Variants in MTG2 observed in about 807,000 individuals in gnomAD.
MTG2 encodes mitochondrial ribosome-associated GTPase 2.
A neutral mutation model predicts 28.6 loss-of-function variants in MTG2; 23 were observed. The observed-to-expected ratio is 0.80, with a 90% CI of 0.58 to 1.14. The LOEUF is 1.14. MTG2 is among the 50% of genes most tolerant of loss of function. MTG2 has a pLI of 0.00. For synonymous variants in MTG2, 260 were observed against 251.8 expected (o/e 1.03, Z -0.31); for missense variants, 539 against 552.0 (o/e 0.98, Z 0.24).
intron 2 of MTG2, among the ~76,000 whole-genome samples, chr20:62,195,467 CAA>C (rs1312848744): frequency 6.6e-6 from 1 of 152,114 alleles, no homozygotes; most frequent in African/African-American, 2.4e-5. Context: ...ATTTCCTAAA[CAA>C]GATGTGGGTT....
intron 5 of MTG2, 33 bp downstream of exon 5, chr20:62,198,885 A>C (rs2058109637): frequency 1.9e-6 from 3 of 1,611,872 alleles, no homozygotes; most frequent in Non-Finnish European, 2.5e-6. Flanking sequence ...GCATCTGCAC[A>C]CACTCAGCTC....
intron 1 of MTG2, among the ~76,000 whole-genome samples, chr20:62,189,902 G>A (rs1235884661): frequency 6.6e-6 from 1 of 151,842 alleles, no homozygotes; most frequent in Non-Finnish European, 1.5e-5. Flanking sequence ...TGACCTCGTG[G>A]TCCGCCCGCT....
Position 62,200,773 on chromosome 20 carries a change from T to C in MTG2, c.917T>C (p.Leu306Pro). 6.2e-7 allele frequency: 1 copy of C among 1,613,836 alleles called. No individual in the cohort carries two copies. Among genetic ancestry groups the C allele is most frequent in the Non-Finnish European group, 8.5e-7 (1 of 1,180,038 alleles). Reference protein sequence around the residue: ...FLRHIERCRFLLFVVDLSQPE... With the variant: ...FLRHIERCRFPLFVVDLSQPE... Reference sequence around the variant, plus strand: ...AGGCACATCGAGCGCTGCCGCTTTCTCTTGTTCGTGGTGGATCTTTCTCAG... The same window carrying C: ...AGGCACATCGAGCGCTGCCGCTTTCCCTTGTTCGTGGTGGATCTTTCTCAG... The change falls in exon 7 of 7, where the codon CTC (leucine) becomes CCC (proline). Residue 306 changes from leucine (L) to proline (P), a missense_variant. Physicochemically the swap from Leu to Pro is moderately conservative, Grantham distance 98. Transcript: ENST00000370823.
At chr20:62,183,982 C>T (rs1298318321) in intron 1 of MTG2, among the ~76,000 whole-genome samples, 1 of 152,230 alleles carries the variant, frequency 6.6e-6, no homozygotes, top group Non-Finnish European at 1.5e-5. Context: ...CCAGAGGATA[C>T]TATGTGACTT....
intron 1 of MTG2, among the ~76,000 whole-genome samples, chr20:62,185,667 G>A (rs930255557): frequency 3.3e-5 from 5 of 152,068 alleles, no homozygotes; most frequent in Non-Finnish European, 7.4e-5. Flanking sequence ...TGTGATGAGG[G>A]CAGTGTTCTA....
intron 1 of MTG2, 55 bp from the exon 2 acceptor site, chr20:62,193,361 G>C: frequency 6.4e-7 from 1 of 1,558,834 alleles, no homozygotes; most frequent in Non-Finnish European, 8.8e-7. Context: ...TTCAGTTTCT[G>C]TTTCATGCCC....
intron 1 of MTG2, among the ~76,000 whole-genome samples, chr20:62,189,600 C>T (rs983874234): frequency 6.6e-6 from 1 of 151,986 alleles, no homozygotes; most frequent in Non-Finnish European, 1.5e-5. Context: ...CTGCTGTGCC[C>T]AGCTAGCTCT....
chr20:62,194,742 A>G (rs1371880283), intron 2 of MTG2, among the ~76,000 whole-genome samples: 4 of 152,218 alleles, frequency 2.6e-5, no homozygotes, highest in African/African-American at 9.7e-5. Flanking sequence ...CTGTCTGTGC[A>G]CGTGGGCAGA....
At chr20:62,191,765 G>A (rs1402693620) in intron 1 of MTG2, among the ~76,000 whole-genome samples, 1 of 152,128 alleles carries the variant, frequency 6.6e-6, no homozygotes, top group Admixed American at 6.5e-5. Context: ...GCGACCTGCT[G>A]AAGACTGGGG....
At chr20:62,190,769 G>A (rs1182264174) in intron 1 of MTG2, among the ~76,000 whole-genome samples, 1 of 152,204 alleles carries the variant, frequency 6.6e-6, no homozygotes, top group African/African-American at 2.4e-5. Flanking sequence ...GCACAGGCAC[G>A]GCTGCGGGGG....
intron 1 of MTG2, 111 bp from the exon 2 acceptor site, chr20:62,193,305 T>C (rs2057996229): frequency 9.2e-7 from 1 of 1,085,094 alleles, no homozygotes; most frequent in Admixed American, 1.9e-5. Flanking sequence ...GTTCACTTGT[T>C]TGTTTCAGAA....
intron 3 of MTG2, 72 bp from the exon 4 acceptor site, chr20:62,197,780 G>A: frequency 1.5e-6 from 2 of 1,332,034 alleles, no homozygotes; most frequent in Non-Finnish European, 2.2e-6. Context: ...TCTTAAACTG[G>A]ACCCAGACAC....
rs773401413 is a variant in MTG2 at position 62,197,968 on chromosome 20, G to C, written c.468+1G>C. 1 of 1,612,998 alleles carries C rather than the reference G, an allele frequency of 6.2e-7. No homozygotes were observed. Among genetic ancestry groups the C allele is most frequent in the East Asian group, 2.2e-5 (1 of 44,872 alleles). On this transcript the variant is annotated splice_donor_variant, in intron 4 of 6. Transcript: ENST00000370823. LOFTEE classifies it high-confidence loss of function. The stretch of plus-strand genomic sequence containing the variant: ...CAGTGGCGCCGTCCTCTACATCCGG[G>C]TGAGCCGAGACTGCCGGACCTGGCC...
intron 2 of MTG2, among the ~76,000 whole-genome samples, chr20:62,194,802 C>T (rs969454119): frequency 1.3e-5 from 2 of 152,154 alleles, no homozygotes; most frequent in African/African-American, 4.8e-5. Context: ...CCCTGGGCTG[C>T]GGGAGCTGAC....
In MTG2 at chr20:62,199,261, G is replaced by A. The variant is rs1174576205; in HGVS notation, c.826+4G>A. 5.6e-6 allele frequency: 9 copies of A among 1,608,634 alleles called. No individual in the cohort carries two copies. In the Middle Eastern group the frequency reaches 4.9e-4, roughly 88 times the overall value. ...GAAGGCCACCTACAAATAGCAGGTA[G>A]AACTTCCAGAATTCTCCCAAAGGTT... On this transcript the variant is annotated splice_donor_region_variant and intron_variant, in intron 6 of 6. Transcript: ENST00000370823.
At chr20:62,191,896 A>G (rs2057967620) in intron 1 of MTG2, among the ~76,000 whole-genome samples, 1 of 152,238 alleles carries the variant, frequency 6.6e-6, no homozygotes, top group South Asian at 2.1e-4. Context: ...GCCGGCTGTC[A>G]TGAGCGGCTT....
At chr20:62,194,858 G>A (rs957196735) in intron 2 of MTG2, among the ~76,000 whole-genome samples, 2 of 152,148 alleles carry the variant, frequency 1.3e-5, no homozygotes, top group Non-Finnish European at 2.9e-5. Flanking sequence ...AACCTGGTTG[G>A]TTCTCTCTCT....
At chr20:62,196,668 T>A (rs1048104162) in intron 3 of MTG2, among the ~76,000 whole-genome samples, 2 of 148,606 alleles carry the variant, frequency 1.3e-5, no homozygotes, top group African/African-American at 2.5e-5. Context: ...AGACCCTATC[T>A]CAAAAAAACA....
intron 3 of MTG2, chr20:62,197,384 G>C (rs6061456): frequency 6.7e-6 from 1 of 150,120 alleles, no homozygotes; most frequent in Non-Finnish European, 1.5e-5. Context: ...CTGACAGAGC[G>C]AGACTCTGTC....
Sources: allele counts gnomAD v4.1 joint callset (sites outside exome capture counted in the v4.1 genomes callset), GRCh38; gene constraint gnomAD v4.1.1; transcripts MANE v1.5; gene names NCBI Gene and HGNC (gene_info 2026-07-23, HGNC 2026-07-21).